The following CRB1 variants were observed in gnomAD, a reference collection of about 807,000 sequenced individuals.
CRB1 encodes crumbs cell polarity complex component 1.
Under a neutral mutation model 120.0 loss-of-function variants are expected in CRB1, and 83 were observed. The observed-to-expected ratio is 0.69, with a 90% CI of 0.58 to 0.83. The LOEUF is 0.83. CRB1 is among the 40% of genes least tolerant of loss of function. The probability of loss-of-function intolerance (pLI) is 0.00; values close to 1 mark genes in which losing one functional copy is unlikely to be tolerated. For missense variants in CRB1, 1,699 were observed against 1,687.6 expected, an observed-to-expected ratio of 1.01 and a Z score of -0.12; for synonymous variants, 625 against 612.5, an observed-to-expected ratio of 1.02 and a Z score of -0.30.
intron 5 of CRB1, among the ~76,000 whole-genome samples, chr1:197,404,441 CAAAAAAAAAAAAAAA>C (rs558125777): frequency 4.3e-4 from 25 of 58,724 alleles, no homozygotes; most frequent in African/African-American, 1.3e-3. Flanking sequence ...GACTCCGTCT[CAAAAAAAAAAAAAAA>C]AAAAAAAAAA....
intron 5 of CRB1, among the ~76,000 whole-genome samples, chr1:197,393,672 A>G (rs929940872): frequency 6.6e-6 from 1 of 152,144 alleles, no homozygotes; most frequent in South Asian, 2.1e-4. Flanking sequence ...GTTCAAACTA[A>G]TACTATAGAC....
intron 1 of CRB1, among the ~76,000 whole-genome samples, chr1:197,320,523 T>G (rs915852068): frequency 6.6e-6 from 1 of 152,158 alleles, no homozygotes; most frequent in African/African-American, 2.4e-5. Flanking sequence ...TCAGGAGCCC[T>G]TATAAGTGAA....
Position 197,477,874 on chromosome 1 carries a change from A to G in CRB1, c.4216A>G (p.Ile1406Val). The change falls in exon 12 of 12, where the codon ATT becomes GTT. Residue 1406 changes from isoleucine to valine, a missense_variant. Physicochemically the swap from Ile to Val is conservative, Grantham distance 29. Transcript: ENST00000367400. ...GCCACCCCCTGCAATGGAGAGACTGATTTAGGAGCATTGTGTCCCTTCGAG... is the reference window on the plus strand; with the variant it reads ...GCCACCCCCTGCAATGGAGAGACTGGTTTAGGAGCATTGTGTCCCTTCGAG... ...LMPPPAMERLI is the reference protein window; with the variant it reads ...LMPPPAMERLV 1 of 1,613,672 alleles carries G rather than the reference A, an allele frequency of 6.2e-7. No individual in the cohort carries two copies. The highest frequency in any genetic ancestry group is 1.1e-5 in the South Asian group (1 of 91,060).
chr1:197,437,445 A>G (rs1332249585), intron 9 of CRB1, among the ~76,000 whole-genome samples: 3 of 152,144 alleles, frequency 2.0e-5, no homozygotes, highest in Non-Finnish European at 2.9e-5. Context: ...AGGCCCTAGT[A>G]ACTACTTCTC....
intron 8 of CRB1, among the ~76,000 whole-genome samples, chr1:197,433,205 T>C (rs992214372): frequency 7.9e-5 from 12 of 152,086 alleles, no homozygotes; most frequent in African/African-American, 2.9e-4. Flanking sequence ...TACACTCTTG[T>C]GGTTATGTTT....
At chr1:197,352,836 G>A (rs1463694034) in intron 4 of CRB1, among the ~76,000 whole-genome samples, 2 of 151,974 alleles carry the variant, frequency 1.3e-5, no homozygotes, top group Non-Finnish European at 2.9e-5. Context: ...TCTCATTTAG[G>A]TGTTTATTAA....
chr1:197,386,202 C>A (rs1293210357), intron 5 of CRB1, among the ~76,000 whole-genome samples: 1 of 151,984 alleles, frequency 6.6e-6, no homozygotes, highest in East Asian at 1.9e-4. Context: ...GCTATGTAAC[C>A]AAGAACTGGT....
chr1:197,322,169 T>C (rs1314811984), intron 1 of CRB1, among the ~76,000 whole-genome samples: 1 of 152,068 alleles, frequency 6.6e-6, no homozygotes, highest in African/African-American at 2.4e-5. Flanking sequence ...TGTTAAAAAG[T>C]GTAAATATTT....
chr1:197,385,638 A>G (rs1011351236), intron 5 of CRB1, among the ~76,000 whole-genome samples: 34 of 152,068 alleles, frequency 2.2e-4, no homozygotes, highest in Non-Finnish European at 4.4e-4. Flanking sequence ...TATTAGGGTT[A>G]TTATGATTAC....
At chr1:197,322,668 T>C (rs1052253980) in intron 1 of CRB1, among the ~76,000 whole-genome samples, 2 of 152,120 alleles carry the variant, frequency 1.3e-5, no homozygotes, top group Non-Finnish European at 2.9e-5. Flanking sequence ...GCTATTTAAG[T>C]GTAGTATGTG....
chr1:197,376,857 G>T (rs963458548), intron 5 of CRB1, among the ~76,000 whole-genome samples: 1 of 152,116 alleles, frequency 6.6e-6, no homozygotes, highest in Admixed American at 6.6e-5. Flanking sequence ...GGAAGCCCTT[G>T]TGTGATCTGT....
chr1:197,367,439 T>C (rs1661135659), intron 5 of CRB1, among the ~76,000 whole-genome samples: 1 of 152,168 alleles, frequency 6.6e-6, no homozygotes, highest in Non-Finnish European at 1.5e-5. Flanking sequence ...GTGGAAATTA[T>C]AAGAACCCAA....
intron 11 of CRB1, among the ~76,000 whole-genome samples, chr1:197,450,784 CAAAAAAAAAAAAAA>C (rs71131758): frequency 1.7e-5 from 1 of 59,624 alleles, no homozygotes; most frequent in Non-Finnish European, 2.8e-5. Context: ...ACTAAAAATA[CAAAAAAAAAAAAAA>C]AAAAAAAAAA....
At chr1:197,268,074 A>G (rs180858182), upstream of CRB1, 22 of 289,186 alleles carry the variant, frequency 7.6e-5, no homozygotes, top group East Asian at 1.6e-3. Context: ...GCAATTGAAG[A>G]CACTATTCTA....
intron 1 of CRB1, among the ~76,000 whole-genome samples, chr1:197,325,440 T>C (rs1207996631): frequency 6.6e-6 from 1 of 152,192 alleles, no homozygotes; most frequent in Non-Finnish European, 1.5e-5. Context: ...TAAGACACCA[T>C]TCATTTGATT....
intron 1 of CRB1, among the ~76,000 whole-genome samples, chr1:197,320,790 C>G (rs1048176434): frequency 2.4e-4 from 36 of 152,064 alleles, no homozygotes; most frequent in African/African-American, 8.2e-4. Context: ...TCAAGTAAAG[C>G]ACTCTTATTA....
chr1:197,438,796 T>C lies in CRB1; in HGVS notation c.3878+121T>C. ...TCCCATAGGAAAATCTATGCTGAAA[T>C]AGAGGTTCAGACAGAATGAAACAAT... On this transcript the variant is annotated intron_variant, in intron 10 of 11. Transcript: ENST00000367400. 7 of 1,298,584 alleles carry C rather than the reference T, an allele frequency of 5.4e-6. No individual in the cohort carries two copies. The Admixed American group carries it at 5.4e-5, about 10-fold the overall frequency. 80.4% of individuals were successfully genotyped at this position (1,298,584 alleles called of 1,614,324 possible). A position where few individuals can be genotyped will look rare whatever the true frequency, so the allele number is the denominator to read the frequency against.
intron 5 of CRB1, among the ~76,000 whole-genome samples, chr1:197,382,067 G>A (rs1260564851): frequency 6.6e-6 from 1 of 152,210 alleles, no homozygotes; most frequent in Non-Finnish European, 1.5e-5. Flanking sequence ...AGGAGAAACT[G>A]TGATGGTGAC....
At chr1:197,402,549 A>C (rs1180631246) in intron 5 of CRB1, among the ~76,000 whole-genome samples, 1 of 152,188 alleles carries the variant, frequency 6.6e-6, no homozygotes, top group East Asian at 1.9e-4. Flanking sequence ...CTCCTGTCTT[A>C]TTCAACAAGA....
Sources: gnomAD v4.1 joint callset for allele counts (sites outside exome capture counted in the v4.1 genomes callset) on GRCh38, gnomAD v4.1.1 for gene constraint, MANE v1.5 for transcripts, NCBI Gene and HGNC (gene_info 2026-07-23, HGNC 2026-07-21) for gene names.